The following HTR6 variants were observed in gnomAD, a reference collection of about 807,000 sequenced individuals.
The protein encoded by HTR6 is 5-hydroxytryptamine receptor 6, also known as 5-hydroxytryptamine (serotonin) receptor 6, G protein-coupled.
Under a neutral mutation model 17.4 loss-of-function variants are expected in HTR6, and 15 were observed. The observed-to-expected ratio is 0.86, with a 90% confidence interval of 0.58 to 1.33. The LOEUF is 1.33. HTR6 is among the 40% of genes most tolerant of loss of function. HTR6 has a pLI of 0.00. For missense variants in HTR6, 578 were observed against 616.0 expected, an observed-to-expected ratio of 0.94 and a Z score of 0.65; for synonymous variants, 326 against 295.5, an observed-to-expected ratio of 1.10 and a Z score of -1.06.
intron 1 of HTR6, among the ~76,000 whole-genome samples, chr1:19,676,413 G>T (rs1163362919): frequency 6.6e-6 from 1 of 152,054 alleles, no homozygotes; most frequent in African/African-American, 2.4e-5. Flanking sequence ...AGAAACCAAG[G>T]CCTCTGTTGT....
intron 1 of HTR6, among the ~76,000 whole-genome samples, chr1:19,677,140 G>A (rs1282613338): frequency 6.6e-6 from 1 of 152,122 alleles, no homozygotes; most frequent in African/African-American, 2.4e-5. Flanking sequence ...TGAACCTTCT[G>A]GAAGTGTGAA....
At chr1:19,669,315 C>T (rs933282790) in intron 1 of HTR6, among the ~76,000 whole-genome samples, 1 of 152,184 alleles carries the variant, frequency 6.6e-6, no homozygotes. Flanking sequence ...CTAACAGCTG[C>T]AGCCCCACAA....
chr1:19,672,621 A>G (rs2095089576), intron 1 of HTR6, among the ~76,000 whole-genome samples: 1 of 152,148 alleles, frequency 6.6e-6, no homozygotes, highest in Admixed American at 6.5e-5. Context: ...TAGCTGGACG[A>G]TCTTGGGCAA....
Position 19,666,294 on chromosome 1 carries a change from C to G in HTR6, c.541C>G (p.Arg181Gly), listed in dbSNP as rs761027992. The G allele has an allele frequency of 1.9e-6, 3 of 1,612,600 alleles. No homozygotes were observed. The highest frequency in any genetic ancestry group is 2.5e-6 in the Non-Finnish European group (3 of 1,179,910). ...ACGGCCACCCGTCCCTGGCCAGTGC[C>G]GCCTGCTGGCCAGCCTGCCTTTTGT... ...HARPPVPGQC[R>G]LLASLPFVLV... Residue 181 changes from arginine to glycine, a missense_variant, in exon 1 of 3, where the codon CGC becomes GGC. Physicochemically the swap from Arg to Gly is moderately radical, Grantham distance 125. Coordinates refer to ENST00000289753, the MANE Select transcript of HTR6 (RefSeq NM_000871.3). The surrounding 1 kb of genome is among the most constrained non-coding windows in gnomAD (Gnocchi z 4.5).
intron 1 of HTR6, among the ~76,000 whole-genome samples, chr1:19,671,527 G>A (rs556125401): frequency 2.0e-5 from 3 of 152,282 alleles, no homozygotes; most frequent in Admixed American, 6.5e-5. Flanking sequence ...CTGGGTCACC[G>A]CCTCTTTCTT....
intron 1 of HTR6, among the ~76,000 whole-genome samples, chr1:19,669,277 T>C (rs2095085056): frequency 6.6e-6 from 1 of 152,186 alleles, no homozygotes; most frequent in Non-Finnish European, 1.5e-5. Context: ...TCTGTGGTCT[T>C]GGAACCTGGG....
chr1:19,668,057 T>G (rs975845938), intron 1 of HTR6, among the ~76,000 whole-genome samples: 3 of 152,212 alleles, frequency 2.0e-5, no homozygotes, highest in Admixed American at 6.5e-5. Flanking sequence ...AAGTTGCCCC[T>G]GCCTATCACC....
At chr1:19,674,777 C>T (rs1183101084) in intron 1 of HTR6, among the ~76,000 whole-genome samples, 1 of 152,194 alleles carries the variant, frequency 6.6e-6, no homozygotes, top group Non-Finnish European at 1.5e-5. Context: ...TGCTGTGGGA[C>T]ACATTCTTGG....
chr1:19,665,805 GGGCCGCCGTC>G lies in HTR6; in HGVS notation c.57_66del (p.Pro20ArgfsTer17), dbSNP rs1557427059. 9 of 1,528,712 alleles carry G rather than the reference GGGCCGCCGTC, an allele frequency of 5.9e-6. No individual in the cohort carries two copies. Among genetic ancestry groups the G allele is most frequent in the Non-Finnish European group, 7.9e-6 (9 of 1,146,154 alleles). The allele number at this position is 1,528,712 out of a possible 1,614,324, so 94.7% of individuals were successfully genotyped here. A position where few individuals can be genotyped will look rare whatever the true frequency, so the allele number is the denominator to read the frequency against. On this transcript the variant is annotated frameshift_variant, in exon 1 of 3. Transcript: ENST00000289753. LOFTEE classifies it high-confidence loss of function. This position sits in a 1 kb window ranked among gnomAD's most constrained non-coding sequence, Gnocchi z 4.2. ...CAATAGCACCCCGGCCTGGGGGGCA[GGGCCGCCGTC>G]GGCCCCGGGGGGCAGCGGCTGGGTG...
Position 19,665,316 on chromosome 1 carries a change from C to G in HTR6, c.-438C>G, listed in dbSNP as rs1294177895. 6.2e-6 allele frequency: 1 copy of G among 160,874 alleles called. No homozygotes were observed. The highest frequency in any genetic ancestry group is 1.3e-5 in the Non-Finnish European group (1 of 74,540). 10.0% of individuals were successfully genotyped at this position (160,874 alleles called of 1,614,324 possible). ...AGAGCGCCCATTCACCCCCCTCACCCACCTCCCCGCGTTCCCACTTCCCCG... is the reference window on the plus strand; with the variant it reads ...AGAGCGCCCATTCACCCCCCTCACCGACCTCCCCGCGTTCCCACTTCCCCG... On this transcript the variant is annotated 5_prime_UTR_variant, in exon 1 of 3. Coordinates refer to ENST00000289753, the MANE Select transcript of HTR6 (RefSeq NM_000871.3). This position sits in a 1 kb window ranked among gnomAD's most constrained non-coding sequence, Gnocchi z 4.2.
Position 19,666,530 on chromosome 1 carries a change from A to T in HTR6, c.714+63A>T. 2.4e-6 allele frequency: 3 copies of T among 1,248,936 alleles called. No individual in the cohort carries two copies. Among genetic ancestry groups the T allele is most frequent in the Non-Finnish European group, 3.3e-6 (3 of 908,344 alleles). 77.4% of individuals were successfully genotyped at this position (1,248,936 alleles called of 1,614,324 possible). A position where few individuals can be genotyped will look rare whatever the true frequency, so the allele number is the denominator to read the frequency against. On this transcript the variant is annotated intron_variant, in intron 1 of 2. Transcript: ENST00000289753. This position sits in a 1 kb window ranked among gnomAD's most constrained non-coding sequence, Gnocchi z 4.5. ...AGAGAGGAATGAGCAGCCCCTGGGG[A>T]CCCCCTGGGCATCCCCACTTAGCAC...
rs929782072 is a variant in HTR6 at position 19,678,056 on chromosome 1, T to C, written c.715-511T>C. Among the ~76,000 whole-genome samples the C allele has an allele frequency of 5.3e-5, 8 of 152,350 alleles. 2 individuals are homozygous for C. The highest frequency in any genetic ancestry group is 6.5e-5 in the Admixed American group (1 of 15,308). ...TGCCCAGTCAATTGCAATTGATTTC[T>C]GTAGCGCTAAAGGCTTTGGAAGGTG... is the stretch of plus-strand genomic sequence containing the variant. On this transcript the variant is annotated intron_variant, in intron 1 of 2. Transcript: ENST00000289753.
At position 19,680,000 on chromosome 1, in the gene HTR6, T is replaced by C. The variant is rs1191561693; in HGVS notation, c.*632T>C. ...CTGTCAGTCTCCCCTCCCTGGTATA[T>C]ATGTGGCAGCAGCTGCACCTGGGAG... is the stretch of plus-strand genomic sequence containing the variant. On this transcript the variant is annotated 3_prime_UTR_variant, in exon 3 of 3. Coordinates refer to ENST00000289753, the MANE Select transcript of HTR6 (RefSeq NM_000871.3). This position sits in a 1 kb window ranked among gnomAD's most constrained non-coding sequence, Gnocchi z 4.9. 6.6e-6 allele frequency among the ~76,000 whole-genome samples: 1 copy of C among 152,152 alleles called. No homozygotes were observed. The highest frequency in any genetic ancestry group is 1.5e-5 in the Non-Finnish European group (1 of 68,020).
intron 1 of HTR6, among the ~76,000 whole-genome samples, chr1:19,672,918 G>A (rs1557428554): frequency 6.6e-6 from 1 of 152,184 alleles, no homozygotes; most frequent in African/African-American, 2.4e-5. Context: ...TTTAGTTACA[G>A]CTATTCGAAG....
chr1:19,679,484 G>C lies in HTR6; in HGVS notation c.*116G>C. ...TGCAAGTCTCCTAGAAGCCCTCTGA[G>C]CTCCAGAGGGGTGCGCAGAGCTGAC... On this transcript the variant is annotated 3_prime_UTR_variant, in exon 3 of 3. Transcript: ENST00000289753. The surrounding 1 kb of genome is among the most constrained non-coding windows in gnomAD (Gnocchi z 4.9). 2 of 1,392,608 alleles carry C rather than the reference G, an allele frequency of 1.4e-6. No homozygotes were observed. Among genetic ancestry groups the C allele is most frequent in the Non-Finnish European group, 1.9e-6 (2 of 1,059,754 alleles). The allele number at this position is 1,392,608 out of a possible 1,614,324, so 86.3% of individuals were successfully genotyped here.
chr1:19,666,212 C>T lies in HTR6; in HGVS notation c.459C>T (p.Leu153=). ...CCCTAGTCCTGGGCGCCTGGAGCCT[C>T]GCCGCTCTCGCCTCCTTCCTGCCCC... ...ALALVLGAWS[L]AALASFLPLL... Residue 153 remains leucine, a synonymous_variant, in exon 1 of 3, where the codon CTC becomes CTT. Coordinates refer to ENST00000289753, the MANE Select transcript of HTR6 (RefSeq NM_000871.3). The surrounding 1 kb of genome is among the most constrained non-coding windows in gnomAD (Gnocchi z 4.5). 2 of 1,609,136 alleles carry T rather than the reference C, an allele frequency of 1.2e-6. No homozygotes were observed. Among genetic ancestry groups the T allele is most frequent in the African/African-American group, 1.3e-5 (1 of 75,046 alleles).
At position 19,679,607 on chromosome 1, in the gene HTR6, G is replaced by T; in HGVS notation, c.*239G>T. Reference sequence around the variant, plus strand: ...CTCCACTGTTGAGTGTAACTTGTGTGTGCAGAGGATGGGCTGGAGGACTCT... The same window carrying T: ...CTCCACTGTTGAGTGTAACTTGTGTTTGCAGAGGATGGGCTGGAGGACTCT... On this transcript the variant is annotated 3_prime_UTR_variant, in exon 3 of 3. Coordinates refer to ENST00000289753, the MANE Select transcript of HTR6 (RefSeq NM_000871.3). This position sits in a 1 kb window ranked among gnomAD's most constrained non-coding sequence, Gnocchi z 4.9. 1 of 552,078 alleles carries T rather than the reference G, an allele frequency of 1.8e-6. No homozygotes were observed. Among genetic ancestry groups the T allele is most frequent in the Non-Finnish European group, 3.0e-6 (1 of 327,966 alleles). 34.2% of individuals were successfully genotyped at this position (552,078 alleles called of 1,614,324 possible). A position where few individuals can be genotyped will look rare whatever the true frequency, so the allele number is the denominator to read the frequency against.
chr1:19,674,799 G>A lies in HTR6; in HGVS notation c.715-3768G>A, dbSNP rs141448963. On this transcript the variant is annotated intron_variant, in intron 1 of 2. Transcript: ENST00000289753. ...GGACACATTCTTGGATATGTGAAGC[G>A]TGCAGACATGAATGTAGGTGTTGGC... Among the ~76,000 whole-genome samples the A allele has an allele frequency of 5.1e-3, 773 of 152,324 alleles. 9 individuals are homozygous for A. Among genetic ancestry groups the A allele is most frequent in the African/African-American group, 0.018 (729 of 41,566 alleles).
At chr1:19,671,771 G>T (rs146649129) in intron 1 of HTR6, among the ~76,000 whole-genome samples, 32 of 152,332 alleles carry the variant, frequency 2.1e-4, no homozygotes, top group African/African-American at 7.5e-4. Flanking sequence ...GAGCTGGTCA[G>T]CCTTGAGCAT....
Sources: gnomAD v4.1 joint callset for allele counts (sites outside exome capture counted in the v4.1 genomes callset) on GRCh38, gnomAD v4.1.1 for gene constraint, Gnocchi (gnomAD v3.1) non-coding constraint, MANE v1.5 for transcripts, NCBI Gene and HGNC (gene_info 2026-07-23, HGNC 2026-07-21) for gene names.